NPAS3: variants seen among roughly 807,000 people sequenced by gnomAD.
NPAS3 encodes the protein neuronal PAS domain-containing protein 3.
Under a neutral mutation model 73.1 loss-of-function variants are expected in NPAS3, and 14 were observed. The observed-to-expected ratio is 0.19, with a 90% CI of 0.13 to 0.30. The LOEUF (loss-of-function observed/expected upper bound fraction) is 0.30, where lower values mean the gene tolerates loss of function less well. NPAS3 is among the 10% of genes least tolerant of loss of function. The pLI, the probability that NPAS3 is intolerant of heterozygous loss-of-function variation, is 1.00. For synonymous variants in NPAS3, 620 were observed against 541.5 expected (o/e 1.14, Z -2.01); for missense variants, 1,096 against 1,250.0 (o/e 0.88, Z 1.86).
intron 5 of NPAS3, among the ~76,000 whole-genome samples, chr14:33,645,082 AAAAAAAAAAAAAAAG>A (rs1420228240): frequency 1.3e-5 from 1 of 79,674 alleles, no homozygotes; most frequent in Non-Finnish European, 2.5e-5. Flanking sequence ...ACTCCATCTC[AAAAAAAAAAAAAAAG>A]AAAGAAAGAA....
chr14:33,639,814 C>G (rs2058625790), intron 5 of NPAS3, among the ~76,000 whole-genome samples: 2 of 152,118 alleles, frequency 1.3e-5, no homozygotes, highest in Non-Finnish European at 2.9e-5. Flanking sequence ...CTGACTTGAC[C>G]AAGTTTCCTC....
intron 6 of NPAS3, among the ~76,000 whole-genome samples, chr14:33,713,407 T>C (rs543083318): frequency 4.5e-4 from 68 of 152,346 alleles, no homozygotes; most frequent in Admixed American, 1.5e-3. Context: ...TGTTTGCTTT[T>C]TTGAGGGAGG....
At chr14:33,297,431 G>C (rs1396409699) in intron 3 of NPAS3, among the ~76,000 whole-genome samples, 9 of 152,036 alleles carry the variant, frequency 5.9e-5, no homozygotes. Flanking sequence ...AAATAAAAGT[G>C]CTCAGTTCCC....
chr14:33,111,577 GAT>G (rs1360326493), intron 2 of NPAS3, among the ~76,000 whole-genome samples: 2 of 151,684 alleles, frequency 1.3e-5, no homozygotes, highest in Admixed American at 1.3e-4. Context: ...AAATAAAAGA[GAT>G]GTGTTAGTTT....
chr14:33,587,773 T>C (rs2056916913), intron 5 of NPAS3, among the ~76,000 whole-genome samples: 1 of 152,250 alleles, frequency 6.6e-6, no homozygotes, highest in Non-Finnish European at 1.5e-5. Flanking sequence ...TGGATCACTT[T>C]AATCTTGACC....
chr14:33,109,928 G>A (rs1335668177), intron 2 of NPAS3, among the ~76,000 whole-genome samples: 1 of 147,168 alleles, frequency 6.8e-6, no homozygotes, highest in Non-Finnish European at 1.5e-5. Flanking sequence ...TCAGCCTCCT[G>A]AGTAGCTGGG....
chr14:33,439,288 A>G (rs540480129), intron 4 of NPAS3, among the ~76,000 whole-genome samples: 29 of 152,366 alleles, frequency 1.9e-4, no homozygotes, highest in African/African-American at 6.3e-4. Flanking sequence ...TCACTTGTGT[A>G]TATTAGGACG....
intron 6 of NPAS3, among the ~76,000 whole-genome samples, chr14:33,681,830 A>G (rs2059946740): frequency 6.6e-6 from 1 of 152,142 alleles, no homozygotes; most frequent in South Asian, 2.1e-4. Flanking sequence ...TAGAAAGTTC[A>G]TTCACACTAG....
At chr14:33,728,441 G>T (rs769961582) in intron 6 of NPAS3, among the ~76,000 whole-genome samples, 4 of 152,178 alleles carry the variant, frequency 2.6e-5, no homozygotes, top group Non-Finnish European at 5.9e-5. Flanking sequence ...TCACAACTGG[G>T]TAGGGACAGG....
intron 5 of NPAS3, 148 bp downstream of exon 5, chr14:33,560,358 G>A (rs1567004700): frequency 4.1e-6 from 2 of 491,770 alleles, no homozygotes; most frequent in South Asian, 8.8e-5. Flanking sequence ...CAAAGTCAGT[G>A]AGAAACCTGT....
chr14:33,612,414 CT>C, intron 5 of NPAS3: 1 of 456,062 alleles, frequency 2.2e-6, no homozygotes, highest in Non-Finnish European at 4.4e-6. Context: ...GGCACAGACA[CT>C]GTGTTCACCT....
At chr14:33,737,634 C>A (rs1050195407) in intron 7 of NPAS3, among the ~76,000 whole-genome samples, 1 of 152,148 alleles carries the variant, frequency 6.6e-6, no homozygotes, top group East Asian at 1.9e-4. Context: ...TCTTCCTCTC[C>A]TCCTCCTCAT....
intron 1 of NPAS3, among the ~76,000 whole-genome samples, chr14:32,974,884 C>G (rs1327150837): frequency 6.6e-6 from 1 of 152,060 alleles, no homozygotes; most frequent in Non-Finnish European, 1.5e-5. Context: ...ATATCAGTAT[C>G]AAACAAAAAC....
chr14:33,615,961 C>G (rs1414032812), intron 5 of NPAS3, among the ~76,000 whole-genome samples: 1 of 152,174 alleles, frequency 6.6e-6, no homozygotes, highest in African/African-American at 2.4e-5. Flanking sequence ...CTCAGGAGCA[C>G]CAGTTCCTGA....
chr14:33,337,360 A>G (rs1193199349), intron 3 of NPAS3, among the ~76,000 whole-genome samples: 3 of 151,964 alleles, frequency 2.0e-5, no homozygotes, highest in African/African-American at 4.8e-5. Flanking sequence ...TCTTTTTTCT[A>G]TTGAGTAGCC....
intron 6 of NPAS3, among the ~76,000 whole-genome samples, chr14:33,722,369 A>C (rs1272456758): frequency 2.6e-5 from 4 of 152,212 alleles, no homozygotes; most frequent in Non-Finnish European, 5.9e-5. Flanking sequence ...AAGGGGGGGT[A>C]ATTCTAGGGC....
At chr14:33,639,289 A>G (rs1002021242) in intron 5 of NPAS3, among the ~76,000 whole-genome samples, 2 of 152,214 alleles carry the variant, frequency 1.3e-5, no homozygotes, top group African/African-American at 4.8e-5. Flanking sequence ...GGATTGGCCA[A>G]TCTCAAGAAA....
chr14:33,625,995 A>G (rs2058208575), intron 5 of NPAS3, among the ~76,000 whole-genome samples: 1 of 152,300 alleles, frequency 6.6e-6, no homozygotes, highest in East Asian at 1.9e-4. Flanking sequence ...ATAAAATAGA[A>G]TTGTCAAAGA....
chr14:33,296,708 G>A (rs976948090), intron 3 of NPAS3, among the ~76,000 whole-genome samples: 2 of 152,144 alleles, frequency 1.3e-5, no homozygotes, highest in Admixed American at 6.5e-5. Flanking sequence ...AAAGTTTTTC[G>A]ACTCCATTTT....
Sources: gnomAD v4.1 joint callset for allele counts (sites outside exome capture counted in the v4.1 genomes callset) on GRCh38, gnomAD v4.1.1 for gene constraint, MANE v1.5 for transcripts, NCBI Gene and HGNC (gene_info 2026-07-23, HGNC 2026-07-21) for gene names.